The following JAM3 variants were observed in gnomAD, a reference collection of about 807,000 sequenced individuals.
JAM3 encodes the protein junctional adhesion molecule C.
Under a neutral mutation model 39.4 loss-of-function variants are expected in JAM3, and 31 were observed. That is an observed-to-expected ratio of 0.79 (90% CI 0.59 to 1.06). The LOEUF is 1.06. Ranked by LOEUF, JAM3 falls within the 50% of genes least tolerant of loss-of-function variation. The pLI, the probability that JAM3 is intolerant of heterozygous loss-of-function variation, is 0.00. For missense variants in JAM3, 455 were observed against 391.4 expected, an observed-to-expected ratio of 1.16 and a Z score of -1.37; for synonymous variants, 182 against 148.7, an observed-to-expected ratio of 1.22 and a Z score of -1.63.
intron 7 of JAM3, 38 bp downstream of exon 7, chr11:134,148,714 T>C (rs1424024462): frequency 1.2e-6 from 2 of 1,614,172 alleles, no homozygotes. Context: ...AAGTTCAAGC[T>C]GGCAATAATA....
chr11:134,100,711 C>A (rs1002420579), intron 1 of JAM3, among the ~76,000 whole-genome samples: 19 of 152,122 alleles, frequency 1.2e-4, no homozygotes, highest in African/African-American at 4.6e-4. Context: ...CTTACTCTTA[C>A]AACTGGAGGA....
At chr11:134,129,443 G>A (rs918504356) in intron 1 of JAM3, among the ~76,000 whole-genome samples, 10 of 151,986 alleles carry the variant, frequency 6.6e-5, no homozygotes, top group Admixed American at 1.3e-4. Context: ...AAGGACACTA[G>A]TCATATTGGA....
At chr11:134,130,245 CAAAG>C (rs1942743386) in intron 1 of JAM3, among the ~76,000 whole-genome samples, 1 of 152,120 alleles carries the variant, frequency 6.6e-6, no homozygotes, top group African/African-American at 2.4e-5. Context: ...GCTCCGTTAT[CAAAG>C]AAACATTGAA....
At position 134,148,794 on chromosome 11, in the gene JAM3, TAAC is replaced by T. The variant is rs764829016; in HGVS notation, c.874_876del (p.Asn292del). ...AGAACCCAGGGAAACCAGATGGAGT[TAAC>T]TACATCCGCACTGACGAGGAGGTAA... On this transcript the variant is annotated inframe_deletion, in exon 8 of 9. Transcript: ENST00000299106. The T allele has an allele frequency of 1.2e-6, 2 of 1,614,058 alleles. No homozygotes were observed. Among genetic ancestry groups the T allele is most frequent in the African/African-American group, 1.3e-5 (1 of 74,932 alleles).
intron 1 of JAM3, among the ~76,000 whole-genome samples, chr11:134,074,805 A>G (rs1290213653): frequency 6.6e-6 from 1 of 152,064 alleles, no homozygotes; most frequent in Non-Finnish European, 1.5e-5. Flanking sequence ...CTTCTGTTGA[A>G]ACTAGACTCT....
At chr11:134,134,777 C>T (rs1041228054) in intron 1 of JAM3, among the ~76,000 whole-genome samples, 2 of 152,160 alleles carry the variant, frequency 1.3e-5, no homozygotes, top group Admixed American at 6.6e-5. Flanking sequence ...TGTTGAGCAA[C>T]TTTTCATGGT....
chr11:134,070,030 A>G, intron 1 of JAM3: 1 of 361,984 alleles, frequency 2.8e-6, no homozygotes, highest in South Asian at 2.1e-5. Flanking sequence ...CATTAGATCC[A>G]CATTTTCCTG....
intron 1 of JAM3, among the ~76,000 whole-genome samples, chr11:134,125,766 G>A (rs1046696493): frequency 6.6e-6 from 1 of 152,172 alleles, no homozygotes; most frequent in African/African-American, 2.4e-5. Context: ...TCATCCTGTA[G>A]CTCCTTCCTG....
intron 5 of JAM3, 154 bp downstream of exon 5, chr11:134,145,148 T>C (rs576789649): frequency 1.6e-4 from 109 of 702,948 alleles, no homozygotes; most frequent in Non-Finnish European, 2.5e-4. Context: ...AAAATGACCC[T>C]TCTTCCTTTT....
chr11:134,139,270 G>A (rs1942929365), intron 1 of JAM3, among the ~76,000 whole-genome samples: 1 of 152,178 alleles, frequency 6.6e-6, no homozygotes, highest in Admixed American at 6.5e-5. Context: ...AAATTACCGT[G>A]TTATATTATT....
At chr11:134,094,887 T>C (rs1934899223) in intron 1 of JAM3, among the ~76,000 whole-genome samples, 1 of 152,248 alleles carries the variant, frequency 6.6e-6, no homozygotes, top group Non-Finnish European at 1.5e-5. Context: ...TGCTAGATGC[T>C]CAATAATGTT....
intron 1 of JAM3, among the ~76,000 whole-genome samples, 186 bp downstream of exon 1, chr11:134,069,345 GC>G (rs923011493): frequency 5.6e-4 from 85 of 152,254 alleles, no homozygotes; most frequent in Non-Finnish European, 1.1e-3. Flanking sequence ...CTCGGGCCTG[GC>G]TAGGGCGGGG....
At position 134,149,224 on chromosome 11, in the gene JAM3, T is replaced by C. The variant is rs757738231; in HGVS notation, c.*43T>C. ...AGAGCGCACAGAGCGCACGTGCACA[T>C]ACCTCTGCTAGAAACTCCTGTCAAG... On this transcript the variant is annotated 3_prime_UTR_variant, in exon 9 of 9. Transcript: ENST00000299106. The C allele has an allele frequency of 8.7e-6, 14 of 1,612,394 alleles. 1 individual carries two copies. In the Middle Eastern group the frequency reaches 9.9e-4, roughly 114 times the overall value.
intron 1 of JAM3, among the ~76,000 whole-genome samples, chr11:134,118,299 G>C (rs1175139633): frequency 1.3e-5 from 2 of 152,100 alleles, no homozygotes; most frequent in African/African-American, 2.4e-5. Context: ...GGTCTGACTG[G>C]TCTGCAGTTA....
At chr11:134,133,920 T>C (rs1942814090) in intron 1 of JAM3, among the ~76,000 whole-genome samples, 1 of 152,160 alleles carries the variant, frequency 6.6e-6, no homozygotes. Flanking sequence ...ATCAGAACTC[T>C]GATATGGAAG....
chr11:134,116,691 G>T (rs1942439776), intron 1 of JAM3, among the ~76,000 whole-genome samples: 1 of 151,600 alleles, frequency 6.6e-6, no homozygotes, highest in Non-Finnish European at 1.5e-5. Context: ...TGGGAAACTA[G>T]ACCTGGGTAC....
intron 1 of JAM3, among the ~76,000 whole-genome samples, chr11:134,087,460 TGAA>T (rs1941765023): frequency 6.6e-6 from 1 of 152,218 alleles, no homozygotes. Flanking sequence ...AAGTGTTAGT[TGAA>T]GTCCTTAGAA....
intron 3 of JAM3, among the ~76,000 whole-genome samples, 154 bp from the exon 4 acceptor site, chr11:134,144,087 C>G (rs1943024833): frequency 6.6e-6 from 1 of 152,100 alleles, no homozygotes; most frequent in Non-Finnish European, 1.5e-5. Flanking sequence ...TTCCTGTCCT[C>G]AAGAGAGTTC....
intron 1 of JAM3, among the ~76,000 whole-genome samples, chr11:134,137,745 A>C: frequency 8.0e-6 from 1 of 124,468 alleles, no homozygotes; most frequent in Non-Finnish European, 1.7e-5. Flanking sequence ...GTCTCGTCAA[A>C]GTCGTGGTGC....
Sources: gnomAD v4.1 joint callset for allele counts (sites outside exome capture counted in the v4.1 genomes callset) on GRCh38, gnomAD v4.1.1 for gene constraint, MANE v1.5 for transcripts, NCBI Gene and HGNC (gene_info 2026-07-23, HGNC 2026-07-21) for gene names.